PTPRG: variants seen among roughly 807,000 people sequenced by gnomAD.
PTPRG encodes the protein protein tyrosine phosphatase receptor type G, also known as receptor-type tyrosine-protein phosphatase gamma.
PTPRG carries 102 observed loss-of-function variants against 165.3 expected under a neutral mutation model. That is an observed-to-expected ratio of 0.62 (90% confidence interval 0.53 to 0.73). PTPRG has a LOEUF of 0.73. PTPRG is among the 30% of genes least tolerant of loss of function. The probability of loss-of-function intolerance (pLI) is 0.00; values close to 1 mark genes in which losing one functional copy is unlikely to be tolerated. For missense variants in PTPRG, 1,866 were observed against 1,861.4 expected, an observed-to-expected ratio of 1.00 and a Z score of -0.05; for synonymous variants, 675 against 669.5, an observed-to-expected ratio of 1.01 and a Z score of -0.13.
chr3:62,008,302 G>A (rs910065255), intron 4 of PTPRG, among the ~76,000 whole-genome samples: 2 of 152,126 alleles, frequency 1.3e-5, no homozygotes, highest in Non-Finnish European at 2.9e-5. Flanking sequence ...TGTTGTTTGA[G>A]GTAATTAAAA....
At chr3:61,613,820 A>G (rs1167419574) in intron 1 of PTPRG, among the ~76,000 whole-genome samples, 1 of 152,228 alleles carries the variant, frequency 6.6e-6, no homozygotes, top group East Asian at 1.9e-4. Context: ...AGGTGACCAC[A>G]ACACAAAACC....
chr3:61,804,018 C>A (rs922454180), intron 2 of PTPRG, among the ~76,000 whole-genome samples: 5 of 152,176 alleles, frequency 3.3e-5, no homozygotes, highest in African/African-American at 1.2e-4. Context: ...CACATTCATT[C>A]ATGGAGAAAG....
Position 61,631,453 on chromosome 3 carries a change from T to C in PTPRG, c.85+69081T>C, listed in dbSNP as rs1056940371. ...TGCTATACCTGTTCTATCTTAGTGG[T>C]TATTGTTAGTCTCTTACTGTGCCTA... On this transcript the variant is annotated intron_variant, in intron 1 of 29. Coordinates refer to ENST00000474889, the MANE Select transcript of PTPRG (RefSeq NM_002841.4). 2.0e-5 allele frequency among the ~76,000 whole-genome samples: 3 copies of C among 152,328 alleles called. No homozygotes were observed. In the South Asian group the frequency reaches 6.2e-4, roughly 32 times the overall value.
At chr3:61,897,980 C>G (rs530235134) in intron 2 of PTPRG, among the ~76,000 whole-genome samples, 3 of 151,920 alleles carry the variant, frequency 2.0e-5, no homozygotes, top group East Asian at 1.9e-4. Context: ...TATAGACAAG[C>G]CTGTCATCTG....
At chr3:62,276,039 T>TGGATTGTATGTTAGGTA in intron 24 of PTPRG, 73 bp downstream of exon 24, 1 of 1,104,966 alleles carries the variant, frequency 9.1e-7, no homozygotes, top group Admixed American at 2.0e-5. Flanking sequence ...CAGCCACTAC[T>TGGATTGTATGTTAGGTA]CTGATGCTAT....
chr3:61,653,198 C>A (rs1321589515), intron 1 of PTPRG, among the ~76,000 whole-genome samples: 1 of 151,736 alleles, frequency 6.6e-6, no homozygotes, highest in Non-Finnish European at 1.5e-5. Flanking sequence ...ATACATATTA[C>A]ACATAGGAAA....
intron 5 of PTPRG, among the ~76,000 whole-genome samples, chr3:62,112,160 G>A (rs1356575055): frequency 6.6e-6 from 1 of 152,032 alleles, no homozygotes; most frequent in Non-Finnish European, 1.5e-5. Flanking sequence ...GAGTGCAGTG[G>A]TGTGATCTTG....
intron 2 of PTPRG, among the ~76,000 whole-genome samples, chr3:61,886,163 C>A (rs757695300): frequency 6.6e-6 from 1 of 152,064 alleles, no homozygotes; most frequent in Non-Finnish European, 1.5e-5. Context: ...TATTCCTGCT[C>A]GATCCTTCCT....
intron 5 of PTPRG, among the ~76,000 whole-genome samples, chr3:62,112,145 C>G (rs531138232): frequency 2.0e-5 from 3 of 151,848 alleles, no homozygotes; most frequent in Non-Finnish European, 1.5e-5. Flanking sequence ...CTGTCGCCCA[C>G]GCTGGAGTGC....
At chr3:61,653,098 G>A (rs887621661) in intron 1 of PTPRG, among the ~76,000 whole-genome samples, 1 of 151,932 alleles carries the variant, frequency 6.6e-6, no homozygotes, top group Non-Finnish European at 1.5e-5. Flanking sequence ...GTACTTATAA[G>A]CCAAAAGAAG....
intron 8 of PTPRG, among the ~76,000 whole-genome samples, chr3:62,184,670 C>T (rs1013654693): frequency 2.6e-5 from 4 of 152,200 alleles, no homozygotes; most frequent in South Asian, 4.1e-4. Context: ...ATCTCCCCCA[C>T]GGTCGTCTGC....
chr3:61,790,747 T>C (rs79632951), intron 2 of PTPRG, among the ~76,000 whole-genome samples: 1 of 145,942 alleles, frequency 6.9e-6, no homozygotes, highest in Non-Finnish European at 1.5e-5. Flanking sequence ...CTTCTGTGAT[T>C]TTTTTTTTTT....
At chr3:61,987,853 TC>T (rs1339160684) in intron 2 of PTPRG, among the ~76,000 whole-genome samples, 1 of 152,180 alleles carries the variant, frequency 6.6e-6, no homozygotes, top group Non-Finnish European at 1.5e-5. Flanking sequence ...TCCTTTTTTT[TC>T]TTTTTTCTCC....
At chr3:61,772,646 C>G (rs924900493) in intron 2 of PTPRG, among the ~76,000 whole-genome samples, 1 of 152,062 alleles carries the variant, frequency 6.6e-6, no homozygotes, top group Non-Finnish European at 1.5e-5. Flanking sequence ...CCATCTGAGT[C>G]AATACATAAA....
intron 2 of PTPRG, among the ~76,000 whole-genome samples, chr3:61,924,919 C>G (rs1344593912): frequency 1.3e-5 from 2 of 152,160 alleles, no homozygotes; most frequent in African/African-American, 4.8e-5. Flanking sequence ...AAGCGTGGAG[C>G]TCTCATAAAT....
intron 16 of PTPRG, among the ~76,000 whole-genome samples, chr3:62,257,438 A>G (rs1052419588): frequency 2.6e-5 from 4 of 152,210 alleles, no homozygotes; most frequent in African/African-American, 9.6e-5. Flanking sequence ...ATTTACCTGG[A>G]ATAATGATGG....
At chr3:62,071,173 G>A (rs1701198905) in intron 4 of PTPRG, among the ~76,000 whole-genome samples, 1 of 152,046 alleles carries the variant, frequency 6.6e-6, no homozygotes, top group Non-Finnish European at 1.5e-5. Flanking sequence ...TCAGTAGATT[G>A]CCTTCCCCCT....
chr3:61,935,795 A>G (rs1455493088), intron 2 of PTPRG, among the ~76,000 whole-genome samples: 4 of 151,500 alleles, frequency 2.6e-5, no homozygotes, highest in Non-Finnish European at 5.9e-5. Flanking sequence ...TTATATTAAT[A>G]TTAGCCAACC....
chr3:61,846,273 G>A (rs538587080), intron 2 of PTPRG, among the ~76,000 whole-genome samples: 4 of 152,238 alleles, frequency 2.6e-5, no homozygotes, highest in South Asian at 2.1e-4. Flanking sequence ...TAATTAATTC[G>A]TACAATAGCA....
Sources: gnomAD v4.1 joint callset for allele counts (sites outside exome capture counted in the v4.1 genomes callset) on GRCh38, gnomAD v4.1.1 for gene constraint, MANE v1.5 for transcripts, NCBI Gene and HGNC (gene_info 2026-07-23, HGNC 2026-07-21) for gene names.